CAMKMT: variants seen among roughly 807,000 people sequenced by gnomAD.
The protein encoded by CAMKMT is CaM KMT.
In CAMKMT, 53 loss-of-function variants were observed where a neutral mutation model predicts 48.0. The observed-to-expected ratio is 1.10, with a 90% confidence interval of 0.89 to 1.39. The LOEUF (loss-of-function observed/expected upper bound fraction) is 1.39, where lower values mean the gene tolerates loss of function less well. Among genes scored for constraint, CAMKMT ranks in the 40% most tolerant of loss-of-function variants. The pLI, the probability that CAMKMT is intolerant of heterozygous loss-of-function variation, is 0.00. For synonymous variants in CAMKMT, 165 were observed against 152.3 expected, an observed-to-expected ratio of 1.08 and a Z score of -0.61; for missense variants, 428 against 402.7, an observed-to-expected ratio of 1.06 and a Z score of -0.54.
intron 2 of CAMKMT, among the ~76,000 whole-genome samples, chr2:44,379,797 T>C (rs72804987): frequency 0.028 from 4,315 of 152,110 alleles, 96 homozygotes; most frequent in Non-Finnish European, 0.039. Context: ...AATGGGACTT[T>C]TGCACTCCTG....
intron 3 of CAMKMT, among the ~76,000 whole-genome samples, chr2:44,577,986 T>A (rs1193821576): frequency 1.3e-5 from 2 of 152,210 alleles, no homozygotes; most frequent in African/African-American, 4.8e-5. Context: ...AGCATCTTGC[T>A]TTGGCCACTT....
At chr2:44,464,578 G>A (rs1374199027) in intron 3 of CAMKMT, among the ~76,000 whole-genome samples, 1 of 152,176 alleles carries the variant, frequency 6.6e-6, no homozygotes, top group Non-Finnish European at 1.5e-5. Context: ...CTGCAAAGCA[G>A]CAAGAGAAAA....
intron 3 of CAMKMT, among the ~76,000 whole-genome samples, chr2:44,451,482 T>C (rs1265788859): frequency 6.6e-6 from 1 of 151,970 alleles, no homozygotes; most frequent in Non-Finnish European, 1.5e-5. Context: ...AATTAAGATA[T>C]AATAGTTAGA....
chr2:44,394,299 T>A (rs2104425328), intron 3 of CAMKMT, among the ~76,000 whole-genome samples: 1 of 152,234 alleles, frequency 6.6e-6, no homozygotes, highest in East Asian at 1.9e-4. Flanking sequence ...TTGGTTGAGC[T>A]CCATGACAGG....
In CAMKMT at chr2:44,535,902, C is replaced by T. The variant is rs79105246; in HGVS notation, c.376+145597C>T. 0.025 allele frequency among the ~76,000 whole-genome samples: 3,769 copies of T among 152,132 alleles called. 337 individuals carry two copies. In the East Asian group the frequency reaches 0.33, roughly 13 times the overall value. ...AGGCAAGAGGAAGAATTAAAAGCAT[C>T]CAGATTGGAAAAGAGAAAGTTACAT... On this transcript the variant is annotated intron_variant, in intron 3 of 10. Transcript: ENST00000378494.
At chr2:44,743,273 A>T (rs1275251199) in intron 7 of CAMKMT, among the ~76,000 whole-genome samples, 3 of 152,196 alleles carry the variant, frequency 2.0e-5, no homozygotes, top group African/African-American at 7.2e-5. Flanking sequence ...TTCCAGTCAA[A>T]TGTGGAATAC....
intron 3 of CAMKMT, among the ~76,000 whole-genome samples, chr2:44,614,266 T>G (rs1048808871): frequency 6.6e-6 from 1 of 152,144 alleles, no homozygotes; most frequent in Non-Finnish European, 1.5e-5. Flanking sequence ...TTATGGAAAC[T>G]TGAGTGTCTT....
chr2:44,595,446 A>G (rs1236425314), intron 3 of CAMKMT, among the ~76,000 whole-genome samples: 1 of 152,220 alleles, frequency 6.6e-6, no homozygotes, highest in Non-Finnish European at 1.5e-5. Flanking sequence ...TACAACTTAT[A>G]AGGACCTCTT....
chr2:44,393,836 C>G (rs1434944372), intron 3 of CAMKMT, among the ~76,000 whole-genome samples: 7 of 152,224 alleles, frequency 4.6e-5, no homozygotes, highest in Admixed American at 3.9e-4. Context: ...AGCTTGTCCT[C>G]TGACCTCTGG....
At chr2:44,686,398 A>C (rs1372187699) in intron 3 of CAMKMT, among the ~76,000 whole-genome samples, 5 of 151,724 alleles carry the variant, frequency 3.3e-5, no homozygotes, top group African/African-American at 1.2e-4. Context: ...GCCTCAAAAA[A>C]AAAAAAAAAC....
At chr2:44,456,642 G>A in intron 3 of CAMKMT, 1 of 1,543,460 alleles carries the variant, frequency 6.5e-7, no homozygotes, top group Non-Finnish European at 8.7e-7. Flanking sequence ...TGGTAAATAT[G>A]CCTGGGGAGA....
chr2:44,732,782 T>C (rs1679150810), intron 7 of CAMKMT, among the ~76,000 whole-genome samples: 1 of 152,224 alleles, frequency 6.6e-6, no homozygotes, highest in South Asian at 2.1e-4. Flanking sequence ...GTTTTTCTTA[T>C]CATTGACATA....
At chr2:44,529,023 T>C (rs1279917062) in intron 3 of CAMKMT, among the ~76,000 whole-genome samples, 1 of 152,178 alleles carries the variant, frequency 6.6e-6, no homozygotes, top group Non-Finnish European at 1.5e-5. Flanking sequence ...TCTTTCTTCA[T>C]TTATTAGTTG....
chr2:44,395,040 A>G (rs1681703157), intron 3 of CAMKMT: 2 of 444,160 alleles, frequency 4.5e-6, no homozygotes, highest in Non-Finnish European at 9.0e-6. Context: ...TTCTAGAGGA[A>G]AAAAAATTAT....
At chr2:44,421,878 A>C (rs1238111888) in intron 3 of CAMKMT, among the ~76,000 whole-genome samples, 1 of 152,210 alleles carries the variant, frequency 6.6e-6, no homozygotes, top group Non-Finnish European at 1.5e-5. Flanking sequence ...ACTGATGTTG[A>C]ATAACTTGAG....
intron 2 of CAMKMT, among the ~76,000 whole-genome samples, chr2:44,383,609 A>G (rs751171216): frequency 6.6e-6 from 1 of 151,984 alleles, no homozygotes; most frequent in Non-Finnish European, 1.5e-5. Flanking sequence ...AGTGTACCAT[A>G]TTTGTTTATC....
At chr2:44,467,700 TG>T (rs1668197085) in intron 3 of CAMKMT, among the ~76,000 whole-genome samples, 1 of 152,128 alleles carries the variant, frequency 6.6e-6, no homozygotes, top group Admixed American at 6.6e-5. Flanking sequence ...AATAAGTTTG[TG>T]TATCTATAGC....
intron 3 of CAMKMT, among the ~76,000 whole-genome samples, chr2:44,393,909 G>A (rs993658342): frequency 1.3e-5 from 2 of 152,100 alleles, no homozygotes; most frequent in Admixed American, 6.5e-5. Flanking sequence ...AAGTTATTTC[G>A]TTCCACTACT....
At chr2:44,491,867 GT>G (rs567220823) in intron 3 of CAMKMT, among the ~76,000 whole-genome samples, 147 of 152,184 alleles carry the variant, frequency 9.7e-4, no homozygotes, top group Non-Finnish European at 1.7e-3. Context: ...TATAAGAAAA[GT>G]TTGTAGAGCA....
Sources: allele counts gnomAD v4.1 joint callset (sites outside exome capture counted in the v4.1 genomes callset), GRCh38; gene constraint gnomAD v4.1.1; transcripts MANE v1.5; gene names NCBI Gene and HGNC (gene_info 2026-07-23, HGNC 2026-07-21).